SHOC2: variants seen among roughly 807,000 people sequenced by gnomAD.
SHOC2 encodes the protein leucine-rich repeat protein SHOC-2.
SHOC2 carries 4 observed loss-of-function variants against 50.2 expected under a neutral mutation model. The ratio of observed to expected loss-of-function variants is 0.08; its 90% CI spans 0.04 to 0.18. SHOC2 has a LOEUF of 0.18. Among genes scored for constraint, SHOC2 ranks in the 10% least tolerant of loss-of-function variants. The pLI, the probability that SHOC2 is intolerant of heterozygous loss-of-function variation, is 1.00. For missense variants in SHOC2, 388 were observed against 669.6 expected (o/e 0.58, Z 4.64); for synonymous variants, 218 against 244.5 (o/e 0.89, Z 1.01).
At chr10:111,011,038 GA>G (rs1848557178) in intron 8 of SHOC2, among the ~76,000 whole-genome samples, 1 of 152,054 alleles carries the variant, frequency 6.6e-6, no homozygotes, top group African/African-American at 2.4e-5. Context: ...TTTTCCTAGA[GA>G]ATACAAGTAT....
In SHOC2 at chr10:111,002,350, C is replaced by G. The variant is rs577800715; in HGVS notation, c.972+1805C>G. 2.0e-5 allele frequency among the ~76,000 whole-genome samples: 3 copies of G among 152,220 alleles called. No individual in the cohort carries two copies. The East Asian group carries it at 5.8e-4, about 29-fold the overall frequency. On this transcript the variant is annotated intron_variant, in intron 4 of 8. Transcript: ENST00000369452. ...AGACAGCACTTATGAGATACTCAAGCTGGGTTAGGCAAGAAATCATGAAAG... is the reference window on the plus strand; with the variant it reads ...AGACAGCACTTATGAGATACTCAAGGTGGGTTAGGCAAGAAATCATGAAAG...
At chr10:110,949,016 T>C (rs142196269) in intron 1 of SHOC2, among the ~76,000 whole-genome samples, 112 of 152,198 alleles carry the variant, frequency 7.4e-4, no homozygotes, top group African/African-American at 2.4e-3. Flanking sequence ...CCTTCTTCCA[T>C]TGTGGCCCAA....
In SHOC2 at chr10:111,011,917, G is replaced by C; in HGVS notation, c.*99G>C. On this transcript the variant is annotated 3_prime_UTR_variant, in exon 9 of 9. Coordinates refer to ENST00000369452, the MANE Select transcript of SHOC2 (RefSeq NM_007373.4). The stretch of plus-strand genomic sequence containing the variant: ...TTTATGTAGATATTGGTATATGGCA[G>C]ATTTATAAAAATTGCATTATGTGTT... 1 of 983,374 alleles carries C rather than the reference G, an allele frequency of 1.0e-6. No individual in the cohort carries two copies. The highest frequency in any genetic ancestry group is 1.6e-6 in the Non-Finnish European group (1 of 635,762). The allele number at this position is 983,374 out of a possible 1,614,324, so 60.9% of individuals were successfully genotyped here.
chr10:110,963,643 T>TA (rs140735189), intron 1 of SHOC2, among the ~76,000 whole-genome samples: 310 of 152,306 alleles, frequency 2.0e-3, no homozygotes, highest in Admixed American at 4.1e-3. Flanking sequence ...TGTGAGCACA[T>TA]ACTACCTAAT....
chr10:110,995,828 C>G lies in SHOC2; in HGVS notation c.842-4587C>G, dbSNP rs1848258446. ...TGTAAAGTGCCCAGACTTCTTACTTCTACATTTATTTTCCCTCTTTGCTTA... is the reference window on the plus strand; with the variant it reads ...TGTAAAGTGCCCAGACTTCTTACTTGTACATTTATTTTCCCTCTTTGCTTA... On this transcript the variant is annotated intron_variant, in intron 3 of 8. Coordinates refer to ENST00000369452, the MANE Select transcript of SHOC2 (RefSeq NM_007373.4). 3.3e-5 allele frequency among the ~76,000 whole-genome samples: 5 copies of G among 152,178 alleles called. No homozygotes were observed. In the South Asian group the frequency reaches 1.0e-3, roughly 32 times the overall value.
At chr10:110,944,451 A>C (rs1847210457) in intron 1 of SHOC2, among the ~76,000 whole-genome samples, 1 of 149,812 alleles carries the variant, frequency 6.7e-6, no homozygotes, top group Non-Finnish European at 1.5e-5. Flanking sequence ...CCTCAGGGAC[A>C]GTTTCTGTTA....
chr10:110,973,496 T>A (rs1193788625), intron 2 of SHOC2, among the ~76,000 whole-genome samples: 1 of 152,176 alleles, frequency 6.6e-6, no homozygotes, highest in Non-Finnish European at 1.5e-5. Flanking sequence ...AATTTTATTT[T>A]CTTTTTTAAA....
intron 1 of SHOC2, among the ~76,000 whole-genome samples, chr10:110,940,910 GTT>G (rs539552844): frequency 5.0e-5 from 6 of 119,472 alleles, no homozygotes; most frequent in African/African-American, 1.9e-4. Context: ...TTTGTGGTGG[GTT>G]TTTTTTTTTT....
At chr10:110,935,459 C>T (rs1419624452) in intron 1 of SHOC2, among the ~76,000 whole-genome samples, 1 of 152,120 alleles carries the variant, frequency 6.6e-6, no homozygotes, top group Non-Finnish European at 1.5e-5. Context: ...AGTTGGTGGA[C>T]ATTTAGGTGT....
Position 111,012,050 on chromosome 10 carries a change from A to G in SHOC2, c.*232A>G, listed in dbSNP as rs1030249563. On this transcript the variant is annotated 3_prime_UTR_variant, in exon 9 of 9. Transcript: ENST00000369452. ...TTGATGGATGTTTTTCTGTTGTGTA[A>G]TCTGATATGCCAGTTTGCTTAAAAC... 1.5e-5 allele frequency: 8 copies of G among 533,960 alleles called. No homozygotes were observed. The African/African-American group carries it at 1.5e-4, about 10-fold the overall frequency. The allele number at this position is 533,960 out of a possible 1,614,324, so 33.1% of individuals were successfully genotyped here.
At chr10:110,926,765 A>C (rs139700371) in intron 1 of SHOC2, among the ~76,000 whole-genome samples, 1 of 152,208 alleles carries the variant, frequency 6.6e-6, no homozygotes, top group African/African-American at 2.4e-5. Flanking sequence ...GAAAAATTCC[A>C]TTCAAAATGA....
intron 5 of SHOC2, among the ~76,000 whole-genome samples, chr10:111,005,942 C>A (rs1183508616): frequency 6.6e-6 from 1 of 152,124 alleles, no homozygotes; most frequent in African/African-American, 2.4e-5. Flanking sequence ...TATGATGATT[C>A]TTTGGAAGTA....
At chr10:110,956,359 C>G (rs554796407) in intron 1 of SHOC2, among the ~76,000 whole-genome samples, 1 of 152,068 alleles carries the variant, frequency 6.6e-6, no homozygotes, top group Admixed American at 6.5e-5. Context: ...ATTACAGGTG[C>G]GCGCCAGCAC....
intron 4 of SHOC2, among the ~76,000 whole-genome samples, chr10:111,002,627 T>G (rs888149641): frequency 6.6e-6 from 1 of 152,208 alleles, no homozygotes; most frequent in African/African-American, 2.4e-5. Context: ...GAAATAAGGC[T>G]TAAGAGAGGT....
chr10:110,997,696 T>A (rs1848294303), intron 3 of SHOC2, among the ~76,000 whole-genome samples: 1 of 152,176 alleles, frequency 6.6e-6, no homozygotes, highest in Non-Finnish European at 1.5e-5. Context: ...GCTAAGTATC[T>A]TACGCACGTT....
intron 5 of SHOC2, among the ~76,000 whole-genome samples, chr10:111,006,862 A>C (rs889157035): frequency 6.6e-5 from 10 of 152,260 alleles, no homozygotes; most frequent in Admixed American, 2.0e-4. Context: ...AGTATACTTT[A>C]TAAGTGAATA....
chr10:111,009,242 C>T lies in SHOC2; in HGVS notation c.1285-6C>T. On this transcript the variant is annotated splice_polypyrimidine_tract_variant and splice_region_variant and intron_variant, in intron 6 of 8. Coordinates refer to ENST00000369452, the MANE Select transcript of SHOC2 (RefSeq NM_007373.4). ...TTCCTAAACATTATCAATAATTTCT[C>T]ATTAGGTTCTTATCTTATCAAACAA... is the stretch of plus-strand genomic sequence containing the variant. The T allele has an allele frequency of 1.3e-6, 2 of 1,532,270 alleles. No individual in the cohort carries two copies. Among genetic ancestry groups the T allele is most frequent in the South Asian group, 2.3e-5 (2 of 88,514 alleles). 94.9% of individuals were successfully genotyped at this position (1,532,270 alleles called of 1,614,324 possible).
chr10:110,995,083 T>A (rs1445674917), intron 3 of SHOC2, among the ~76,000 whole-genome samples: 1 of 152,212 alleles, frequency 6.6e-6, no homozygotes, highest in Admixed American at 6.5e-5. Context: ...TTTCATATAA[T>A]TTTTTGTATC....
intron 2 of SHOC2, among the ~76,000 whole-genome samples, chr10:110,979,089 T>G (rs1222931897): frequency 1.3e-5 from 2 of 152,244 alleles, no homozygotes; most frequent in African/African-American, 4.8e-5. Flanking sequence ...TCTCACAAGG[T>G]TTTTCAGTTA....
Sources: gnomAD v4.1 joint callset for allele counts (sites outside exome capture counted in the v4.1 genomes callset) on GRCh38, gnomAD v4.1.1 for gene constraint, MANE v1.5 for transcripts, NCBI Gene and HGNC (gene_info 2026-07-23, HGNC 2026-07-21) for gene names.